PLEKHA7: variants seen among roughly 807,000 people sequenced by gnomAD.
The protein encoded by PLEKHA7 is pleckstrin homology domain containing A7, also known as pleckstrin homology domain-containing family A member 7.
In PLEKHA7, 104 loss-of-function variants were observed where a neutral mutation model predicts 170.0. The ratio of observed to expected loss-of-function variants is 0.61; its 90% confidence interval spans 0.52 to 0.72. The LOEUF (loss-of-function observed/expected upper bound fraction) is 0.72. PLEKHA7 is among the 30% of genes least tolerant of loss of function. PLEKHA7 has a pLI of 0.00. For missense variants in PLEKHA7, 1,615 were observed against 1,671.7 expected, an observed-to-expected ratio of 0.97 and a Z score of 0.59; for synonymous variants, 648 against 660.8, an observed-to-expected ratio of 0.98 and a Z score of 0.30.
intron 3 of PLEKHA7, among the ~76,000 whole-genome samples, chr11:17,012,455 T>G (rs868237842): frequency 8.5e-5 from 13 of 152,304 alleles, no homozygotes; most frequent in South Asian, 2.1e-4. Flanking sequence ...CTCCTTCTTG[T>G]CATTCAAATT....
chr11:16,846,316 G>A (rs1019289684), intron 8 of PLEKHA7, among the ~76,000 whole-genome samples: 1 of 151,788 alleles, frequency 6.6e-6, no homozygotes, highest in Non-Finnish European at 1.5e-5. Context: ...GGAAAGGAAA[G>A]GGAGAAAAGA....
At chr11:16,790,454 C>A (rs773680378) in intron 21 of PLEKHA7, 9 of 228,626 alleles carry the variant, frequency 3.9e-5, no homozygotes, top group Non-Finnish European at 6.9e-5. Context: ...TTTAATTTCT[C>A]TGGGCCTTAG....
chr11:16,818,364 C>T (rs759143065), intron 10 of PLEKHA7, among the ~76,000 whole-genome samples: 2 of 152,262 alleles, frequency 1.3e-5, no homozygotes, highest in Admixed American at 6.5e-5. Context: ...CCTTCACTAA[C>T]GTGTGTACCC....
chr11:16,840,777 C>T (rs1851887510), intron 9 of PLEKHA7, among the ~76,000 whole-genome samples: 1 of 152,102 alleles, frequency 6.6e-6, no homozygotes, highest in Non-Finnish European at 1.5e-5. Flanking sequence ...CTGTACACTG[C>T]ATGAAAGAGA....
chr11:16,807,040 CT>C (rs1387313380), intron 13 of PLEKHA7: 1 of 383,826 alleles, frequency 2.6e-6, no homozygotes, highest in Non-Finnish European at 3.6e-6. Context: ...TGCGGGAAGC[CT>C]GGGGCGGTCA....
chr11:16,884,826 A>C (rs139573142), intron 3 of PLEKHA7, among the ~76,000 whole-genome samples: 6 of 152,314 alleles, frequency 3.9e-5, no homozygotes, highest in Admixed American at 2.0e-4. Context: ...TTATCATCAC[A>C]TCTAACATTT....
chr11:16,927,538 T>C (rs935997500), intron 3 of PLEKHA7, among the ~76,000 whole-genome samples: 8 of 152,116 alleles, frequency 5.3e-5, no homozygotes, highest in African/African-American at 1.2e-4. Flanking sequence ...CCAGGATAAA[T>C]TGGCCAGACA....
In PLEKHA7 at chr11:16,816,230, G is replaced by A; in HGVS notation, c.1901C>T (p.Ser634Phe). ...SSHVDRRSMP[S>F]MGYMTHTVSA... ...GACGGTGTGGGTCATGTAACCCATG[G>A]AGGGCATGGAGCGTCGGTCCACATG... is the stretch of plus-strand genomic sequence containing the variant. Residue 634 changes from serine (S) to phenylalanine (F), a missense_variant, in exon 12 of 27, where the codon TCC (serine) becomes TTC (phenylalanine). Transcript: ENST00000531066. 3 of 1,613,944 alleles carry A rather than the reference G, an allele frequency of 1.9e-6. No homozygotes were observed. Among genetic ancestry groups the A allele is most frequent in the South Asian group, 2.2e-5 (2 of 91,080 alleles).
At chr11:16,939,760 C>G (rs981655676) in intron 3 of PLEKHA7, among the ~76,000 whole-genome samples, 7 of 152,160 alleles carry the variant, frequency 4.6e-5, no homozygotes, top group African/African-American at 1.7e-4. Context: ...ATACCCTACT[C>G]CACCCCAACA....
chr11:16,980,659 A>T (rs1033157368), intron 3 of PLEKHA7, among the ~76,000 whole-genome samples: 16 of 152,152 alleles, frequency 1.1e-4, no homozygotes, highest in Admixed American at 9.2e-4. Context: ...ACAGTGGCTC[A>T]CACCTATAAT....
At chr11:16,933,504 T>C (rs1048007485) in intron 3 of PLEKHA7, among the ~76,000 whole-genome samples, 2 of 152,204 alleles carry the variant, frequency 1.3e-5, no homozygotes, top group Non-Finnish European at 2.9e-5. Flanking sequence ...TGATGGGATT[T>C]ATGACTGGAG....
intron 3 of PLEKHA7, among the ~76,000 whole-genome samples, chr11:16,880,516 C>T (rs1342802749): frequency 6.6e-6 from 1 of 152,156 alleles, no homozygotes; most frequent in African/African-American, 2.4e-5. Flanking sequence ...TGCCTTTTTC[C>T]ACATTGCAGA....
At chr11:16,830,783 G>A (rs1401519038) in intron 9 of PLEKHA7, among the ~76,000 whole-genome samples, 3 of 152,218 alleles carry the variant, frequency 2.0e-5, no homozygotes, top group Non-Finnish European at 4.4e-5. Context: ...TGCCTTCAAA[G>A]TCAGACAACC....
intron 3 of PLEKHA7, among the ~76,000 whole-genome samples, chr11:16,995,192 T>A (rs1864267101): frequency 6.6e-6 from 1 of 152,176 alleles, no homozygotes; most frequent in Admixed American, 6.5e-5. Context: ...CACCACAAGC[T>A]AGTCAGTGGC....
At chr11:16,965,842 G>T (rs1267888259) in intron 3 of PLEKHA7, among the ~76,000 whole-genome samples, 1 of 152,204 alleles carries the variant, frequency 6.6e-6, no homozygotes, top group Admixed American at 6.5e-5. Context: ...CCAGATAAAA[G>T]CACTCAGTGC....
chr11:16,854,851 C>A, intron 6 of PLEKHA7, 38 bp downstream of exon 6: 1 of 1,566,262 alleles, frequency 6.4e-7, no homozygotes, highest in Non-Finnish European at 8.8e-7. Context: ...TCAGCCAGAG[C>A]CATTTCCTCC....
chr11:16,919,048 T>TA (rs1214468712), intron 3 of PLEKHA7, among the ~76,000 whole-genome samples: 4 of 151,950 alleles, frequency 2.6e-5, no homozygotes, highest in African/African-American at 7.3e-5. Context: ...CCATCTCTAC[T>TA]AAAAAATACA....
At chr11:16,853,007 G>C (rs1260694080) in intron 6 of PLEKHA7, among the ~76,000 whole-genome samples, 1 of 152,192 alleles carries the variant, frequency 6.6e-6, no homozygotes, top group African/African-American at 2.4e-5. Flanking sequence ...CAGGAAAACA[G>C]AATGTTTTGG....
chr11:16,797,610 C>T (rs948433608), intron 17 of PLEKHA7, among the ~76,000 whole-genome samples: 1 of 152,218 alleles, frequency 6.6e-6, no homozygotes, highest in Non-Finnish European at 1.5e-5. Context: ...CAACATAAAG[C>T]ACATCCTCAG....
Sources: gnomAD v4.1 joint callset for allele counts (sites outside exome capture counted in the v4.1 genomes callset) on GRCh38, gnomAD v4.1.1 for gene constraint, MANE v1.5 for transcripts, NCBI Gene and HGNC (gene_info 2026-07-23, HGNC 2026-07-21) for gene names.